SYNE1: variants seen among roughly 807,000 people sequenced by gnomAD.
SYNE1 encodes nesprin-1.
A neutral mutation model predicts 1,111.0 loss-of-function variants in SYNE1; 616 were observed. The observed-to-expected ratio is 0.55, with a 90% CI of 0.52 to 0.59. The LOEUF (loss-of-function observed/expected upper bound fraction) is 0.59, where lower values mean the gene tolerates loss of function less well. SYNE1 is among the 20% of genes least tolerant of loss of function. The pLI is 0.00. For synonymous variants in SYNE1, 3,855 were observed against 3,825.8 expected, an observed-to-expected ratio of 1.01 and a Z score of -0.28; for missense variants, 10,006 against 10,417.0, an observed-to-expected ratio of 0.96 and a Z score of 1.72.
rs1554549135 is a variant in SYNE1 at position 152,364,726 on chromosome 6, A to AAGGG, written c.10145+117_10145+120dup. ...GAAGGAAGGAAGGAAGGAAGGAAGG[A>AAGGG]AGGGAGGAAGGAAAGGAAAGGGAAG... is the stretch of plus-strand genomic sequence containing the variant. On this transcript the variant is annotated intron_variant, in intron 63 of 145. Coordinates refer to ENST00000367255, the MANE Select transcript of SYNE1 (RefSeq NM_182961.4). The AAGGG allele has an allele frequency of 0.016, 5,946 of 369,192 alleles. 392 individuals carry two copies. The highest frequency in any genetic ancestry group is 0.02 in the Non-Finnish European group (4,197 of 212,374). The allele number at this position is 369,192 out of a possible 1,614,324, so 22.9% of individuals were successfully genotyped here.
At chr6:152,538,398 A>C (rs946404651) in intron 4 of SYNE1, among the ~76,000 whole-genome samples, 1 of 152,114 alleles carries the variant, frequency 6.6e-6, no homozygotes, top group Non-Finnish European at 1.5e-5. Context: ...ATTGTCATGG[A>C]TTGACGTGTT....
intron 95 of SYNE1, among the ~76,000 whole-genome samples, chr6:152,292,653 A>G (rs1028375710): frequency 1.3e-5 from 2 of 152,250 alleles, no homozygotes; most frequent in Admixed American, 6.5e-5. Context: ...AAAGTAGAAG[A>G]AAGACAAAGT....
intron 126 of SYNE1, among the ~76,000 whole-genome samples, chr6:152,202,764 T>C (rs1170795810): frequency 1.3e-5 from 2 of 151,914 alleles, no homozygotes; most frequent in African/African-American, 2.4e-5. Flanking sequence ...CCAAATGTAC[T>C]ATAAGGGATT....
At chr6:152,289,904 G>A (rs1324296622) in intron 95 of SYNE1, among the ~76,000 whole-genome samples, 1 of 150,164 alleles carries the variant, frequency 6.7e-6, no homozygotes, top group African/African-American at 2.4e-5. Context: ...GGGATTACAG[G>A]CATGAGCTAC....
chr6:152,314,622 C>T (rs999864549), intron 87 of SYNE1, among the ~76,000 whole-genome samples: 5 of 152,014 alleles, frequency 3.3e-5, no homozygotes, highest in African/African-American at 1.2e-4. Context: ...ATCCTTTGTA[C>T]CCTAAATGCC....
At position 152,417,006 on chromosome 6, in the gene SYNE1, C is replaced by T. The variant is rs145791922; in HGVS notation, c.5431G>A (p.Ala1811Thr). 8 of 1,613,918 alleles carry T rather than the reference C, an allele frequency of 5.0e-6. No homozygotes were observed. The African/African-American group carries it at 8.0e-5, about 16-fold the overall frequency. ...VALTRHKDHA[A>T]EVESKKGELQ... ...TCGCCCTTTTTGCTCTCTACTTCTG[C>T]TGCGTGGTCCTGGAAGGGAAGAGAG... The change falls in exon 41 of 146, where the codon GCA becomes ACA. Residue 1811 changes from alanine to threonine, a missense_variant. This residue lies in a region of SYNE1 where 4,955 missense variants were observed against 5,017.2 expected (regional missense o/e 0.99). Transcript: ENST00000367255.
intron 101 of SYNE1, among the ~76,000 whole-genome samples, chr6:152,260,301 C>T (rs1769567085): frequency 6.6e-6 from 1 of 152,068 alleles, no homozygotes; most frequent in African/African-American, 2.4e-5. Flanking sequence ...CCAGAAGATC[C>T]GTATCAGGAA....
At position 152,323,422 on chromosome 6, in the gene SYNE1, G is replaced by A. The variant is rs2095943278; in HGVS notation, c.15917+56C>T. 41 of 1,598,812 alleles carry A rather than the reference G, an allele frequency of 2.6e-5. No individual in the cohort carries two copies. The South Asian group carries it at 4.5e-4, about 18-fold the overall frequency. The stretch of plus-strand genomic sequence containing the variant: ...CATTTGCACTCCAGCCTGGGCGACA[G>A]AGCGAGACTCCAAACAAACAAACAA... On this transcript the variant is annotated intron_variant, in intron 82 of 145. Coordinates refer to ENST00000367255, the MANE Select transcript of SYNE1 (RefSeq NM_182961.4).
At chr6:152,541,524 A>G (rs1200623107) in intron 3 of SYNE1, among the ~76,000 whole-genome samples, 1 of 152,056 alleles carries the variant, frequency 6.6e-6, no homozygotes, top group Non-Finnish European at 1.5e-5. Flanking sequence ...CGAGGCAGGC[A>G]GATTACGAGG....
chr6:152,185,062 AT>A (rs558543290), intron 128 of SYNE1, among the ~76,000 whole-genome samples: 1 of 152,096 alleles, frequency 6.6e-6, no homozygotes, highest in Non-Finnish European at 1.5e-5. Context: ...TGGTTGAAAT[AT>A]TTTTACCATG....
At chr6:152,558,711 G>C (rs775198727) in intron 3 of SYNE1, among the ~76,000 whole-genome samples, 21 of 152,062 alleles carry the variant, frequency 1.4e-4, no homozygotes, top group Non-Finnish European at 2.4e-4. Flanking sequence ...TAACAGAATC[G>C]AAGGAAATAA....
intron 74 of SYNE1, among the ~76,000 whole-genome samples, chr6:152,342,573 A>T (rs2096554759): frequency 6.6e-6 from 1 of 152,362 alleles, no homozygotes; most frequent in African/African-American, 2.4e-5. Context: ...AACTAGACAC[A>T]TTCTTTATGT....
intron 76 of SYNE1, chr6:152,336,424 C>A: frequency 4.6e-6 from 1 of 215,666 alleles, no homozygotes; most frequent in Non-Finnish European, 9.4e-6. Context: ...TTGTGGAAAA[C>A]AATTTTTCCG....
Position 152,310,997 on chromosome 6 carries a change from C to A in SYNE1, c.16711-124G>T. On this transcript the variant is annotated intron_variant, in intron 87 of 145. Coordinates refer to ENST00000367255, the MANE Select transcript of SYNE1 (RefSeq NM_182961.4). The stretch of plus-strand genomic sequence containing the variant: ...TGTCCGTTATTGTGTTTAACCTTCA[C>A]CCCCCATGACCACTTTCTACTTGGT... The A allele has an allele frequency of 6.5e-6, 6 of 922,106 alleles. No homozygotes were observed. The South Asian group carries it at 7.1e-5, about 11-fold the overall frequency. 57.1% of individuals were successfully genotyped at this position (922,106 alleles called of 1,614,324 possible). A position where few individuals can be genotyped will look rare whatever the true frequency, so the allele number is the denominator to read the frequency against.
intron 21 of SYNE1, among the ~76,000 whole-genome samples, chr6:152,459,548 G>C (rs548613894): frequency 1.3e-5 from 2 of 152,250 alleles, no homozygotes; most frequent in South Asian, 4.1e-4. Flanking sequence ...CTAGGGGAGG[G>C]CTCTGTAGTC....
chr6:152,369,790 C>G (rs1030230661), intron 59 of SYNE1, among the ~76,000 whole-genome samples, 176 bp from the exon 60 acceptor site: 1 of 152,096 alleles, frequency 6.6e-6, no homozygotes, highest in Non-Finnish European at 1.5e-5. Context: ...CAAGACCAGC[C>G]TAGGCAACAT....
At chr6:152,471,316 T>C (rs1339155992) in intron 16 of SYNE1, among the ~76,000 whole-genome samples, 2 of 152,190 alleles carry the variant, frequency 1.3e-5, no homozygotes, top group Non-Finnish European at 2.9e-5. Context: ...ACAAAAACTT[T>C]TTTTAAAAAT....
At chr6:152,550,353 G>A (rs541048814) in intron 3 of SYNE1, among the ~76,000 whole-genome samples, 1 of 152,024 alleles carries the variant, frequency 6.6e-6, no homozygotes, top group South Asian at 2.1e-4. Flanking sequence ...AAATATTTTA[G>A]AACTATATAA....
chr6:152,181,492 C>T (rs1360893609), intron 128 of SYNE1, among the ~76,000 whole-genome samples: 1 of 152,140 alleles, frequency 6.6e-6, no homozygotes, highest in East Asian at 1.9e-4. Flanking sequence ...CACTTACCTC[C>T]CAGTTCTAAT....
Sources: allele counts gnomAD v4.1 joint callset (sites outside exome capture counted in the v4.1 genomes callset), GRCh38; gene constraint gnomAD v4.1.1; regional missense constraint gnomAD v4.1.1; transcripts MANE v1.5; gene names NCBI Gene and HGNC (gene_info 2026-07-23, HGNC 2026-07-21).